TMEM132D: variants seen among roughly 807,000 people sequenced by gnomAD.
TMEM132D encodes transmembrane protein 132D.
In TMEM132D, 21 loss-of-function variants were observed where a neutral mutation model predicts 62.3. The observed-to-expected ratio is 0.34, with a 90% CI of 0.24 to 0.49. The LOEUF (loss-of-function observed/expected upper bound fraction) is 0.49, where lower values mean the gene tolerates loss of function less well. TMEM132D is among the 20% of genes least tolerant of loss of function. The pLI is 0.99. For synonymous variants in TMEM132D, 621 were observed against 575.6 expected (o/e 1.08, Z -1.13); for missense variants, 1,346 against 1,402.8 (o/e 0.96, Z 0.65).
intron 2 of TMEM132D, among the ~76,000 whole-genome samples, chr12:129,629,913 A>G (rs1282807330): frequency 1.3e-5 from 2 of 152,202 alleles, no homozygotes; most frequent in Non-Finnish European, 2.9e-5. Context: ...TGGTAAAATT[A>G]TAATCTATTA....
Position 129,290,740 on chromosome 12 carries a change from C to G in TMEM132D, c.1299+46894G>C, listed in dbSNP as rs186437443. On this transcript the variant is annotated intron_variant, in intron 4 of 8. Transcript: ENST00000422113. ...ATGATAATATATTCAGGAATCATTTCTGTAATTAACATTCACAATAAAAGC... is the reference window on the plus strand; with the variant it reads ...ATGATAATATATTCAGGAATCATTTGTGTAATTAACATTCACAATAAAAGC... 1.7e-4 allele frequency among the ~76,000 whole-genome samples: 26 copies of G among 152,292 alleles called. No individual in the cohort carries two copies. In the East Asian group the frequency reaches 5.0e-3, roughly 29 times the overall value.
intron 1 of TMEM132D, among the ~76,000 whole-genome samples, chr12:129,828,273 G>T (rs73160242): frequency 0.064 from 9,783 of 152,122 alleles, 358 homozygotes; most frequent in East Asian, 0.11. Context: ...GCATATTTAA[G>T]ATTCAGGATT....
chr12:129,333,343 G>C (rs1369257643), intron 4 of TMEM132D, among the ~76,000 whole-genome samples: 1 of 152,150 alleles, frequency 6.6e-6, no homozygotes, highest in Non-Finnish European at 1.5e-5. Flanking sequence ...TCTAAAAGTT[G>C]ACCTGAAGGA....
chr12:129,349,940 G>A (rs1345402267), intron 3 of TMEM132D, among the ~76,000 whole-genome samples: 1 of 152,174 alleles, frequency 6.6e-6, no homozygotes, highest in African/African-American at 2.4e-5. Flanking sequence ...CACTTGGCAT[G>A]GAGGTCAGTC....
At chr12:129,500,809 T>C (rs1212758904) in intron 3 of TMEM132D, among the ~76,000 whole-genome samples, 1 of 152,204 alleles carries the variant, frequency 6.6e-6, no homozygotes, top group African/African-American at 2.4e-5. Flanking sequence ...ATTGTATTTG[T>C]GTTATTATGC....
rs79217443 is a variant in TMEM132D at position 129,791,988 on chromosome 12, T to A, written c.80-91290A>T. 7.3e-3 allele frequency among the ~76,000 whole-genome samples: 1,105 copies of A among 152,238 alleles called. 15 individuals carry two copies. Among genetic ancestry groups the A allele is most frequent in the African/African-American group, 0.026 (1,066 of 41,546 alleles). On this transcript the variant is annotated intron_variant, in intron 1 of 8. Transcript: ENST00000422113. ...CCCCCGACAGAGGAAAAGTAACCCA[T>A]CTTTTATTTCTCAAGGGTGACGTTG...
In TMEM132D at chr12:129,771,442, C is replaced by T. The variant is rs143230302; in HGVS notation, c.80-70744G>A. 1.9e-4 allele frequency among the ~76,000 whole-genome samples: 29 copies of T among 152,274 alleles called. 2 individuals carry two copies. Among genetic ancestry groups the T allele is most frequent in the African/African-American group, 4.8e-4 (20 of 41,552 alleles). On this transcript the variant is annotated intron_variant, in intron 1 of 8. Transcript: ENST00000422113. ...GCTCAGTAATTGCCAGGTAAGCATCCGCTACTATCATTAGCATGACAAAAC... is the reference window on the plus strand; with the variant it reads ...GCTCAGTAATTGCCAGGTAAGCATCTGCTACTATCATTAGCATGACAAAAC...
chr12:129,597,043 G>A (rs1878356404), intron 2 of TMEM132D, among the ~76,000 whole-genome samples: 1 of 152,206 alleles, frequency 6.6e-6, no homozygotes, highest in Non-Finnish European at 1.5e-5. Flanking sequence ...TTGGTTCCCT[G>A]ACTACACATT....
chr12:129,469,447 G>A (rs1019776108), intron 3 of TMEM132D, among the ~76,000 whole-genome samples: 3 of 152,210 alleles, frequency 2.0e-5, no homozygotes, highest in African/African-American at 7.2e-5. Flanking sequence ...AGCCATCTGT[G>A]TTTTACCAAG....
At chr12:129,875,304 C>T (rs1874380329) in intron 1 of TMEM132D, among the ~76,000 whole-genome samples, 1 of 152,226 alleles carries the variant, frequency 6.6e-6, no homozygotes, top group South Asian at 2.1e-4. Flanking sequence ...CCGATGGCCT[C>T]ACAAGTGCCT....
chr12:129,258,041 T>A (rs995950407), intron 4 of TMEM132D, among the ~76,000 whole-genome samples: 6 of 152,202 alleles, frequency 3.9e-5, no homozygotes, highest in African/African-American at 1.2e-4. Flanking sequence ...AAAAGAGGGA[T>A]GCACAATCCC....
In TMEM132D at chr12:129,098,438, C is replaced by T. The variant is rs568939242; in HGVS notation, c.1444-13736G>A. Among the ~76,000 whole-genome samples the T allele has an allele frequency of 1.2e-4, 18 of 152,320 alleles. No individual in the cohort carries two copies. The South Asian group carries it at 3.5e-3, about 30-fold the overall frequency. ...TTTGCTTTTTCAAACCATGCAGTGA[C>T]AAATGTCCTCGTGCCTACCTACTCG... On this transcript the variant is annotated intron_variant, in intron 5 of 8. Coordinates refer to ENST00000422113, the MANE Select transcript of TMEM132D (RefSeq NM_133448.3).
At chr12:129,443,152 G>A (rs566409270) in intron 3 of TMEM132D, among the ~76,000 whole-genome samples, 9 of 152,146 alleles carry the variant, frequency 5.9e-5, no homozygotes, top group South Asian at 4.1e-4. Context: ...TTTCCAATCC[G>A]GCTTCCTCCT....
chr12:129,721,041 G>A (rs1382410021), intron 1 of TMEM132D, among the ~76,000 whole-genome samples: 1 of 152,242 alleles, frequency 6.6e-6, no homozygotes, highest in Non-Finnish European at 1.5e-5. Context: ...CACAGGTGCA[G>A]AGAAGTCCCC....
rs559908853 is a variant in TMEM132D at position 129,183,959 on chromosome 12, T to C, written c.1443+25561A>G. 2.6e-5 allele frequency among the ~76,000 whole-genome samples: 4 copies of C among 152,298 alleles called. No homozygotes were observed. The South Asian group carries it at 8.3e-4, about 32-fold the overall frequency. On this transcript the variant is annotated intron_variant, in intron 5 of 8. Coordinates refer to ENST00000422113, the MANE Select transcript of TMEM132D (RefSeq NM_133448.3). The stretch of plus-strand genomic sequence containing the variant: ...GTTGTCTCCGAAACAAAGGTGCCTG[T>C]CCATTGTTTCTTGTCATTGCAGTAA...
intron 1 of TMEM132D, among the ~76,000 whole-genome samples, chr12:129,709,724 T>C (rs1881596002): frequency 6.6e-6 from 1 of 152,206 alleles, no homozygotes; most frequent in Non-Finnish European, 1.5e-5. Context: ...AGTAGGAGGT[T>C]TGACCTAGTG....
At chr12:129,556,456 TG>T (rs2137109904) in intron 2 of TMEM132D, among the ~76,000 whole-genome samples, 1 of 150,980 alleles carries the variant, frequency 6.6e-6, no homozygotes, top group South Asian at 2.1e-4. Context: ...CCCCTGGCAA[TG>T]GGGTGGAGCT....
chr12:129,777,152 CATTT>C (rs1220893041), intron 1 of TMEM132D, among the ~76,000 whole-genome samples: 2 of 152,142 alleles, frequency 1.3e-5, no homozygotes, highest in Non-Finnish European at 2.9e-5. Flanking sequence ...TTTCATACGA[CATTT>C]ATTTAACCAG....
intron 2 of TMEM132D, among the ~76,000 whole-genome samples, chr12:129,594,474 T>C (rs1449686660): frequency 6.6e-6 from 1 of 152,102 alleles, no homozygotes; most frequent in Non-Finnish European, 1.5e-5. Context: ...ATGAGAAAAA[T>C]GTAAAAAGGG....
Sources: gnomAD v4.1 joint callset for allele counts (sites outside exome capture counted in the v4.1 genomes callset) on GRCh38, gnomAD v4.1.1 for gene constraint, MANE v1.5 for transcripts, NCBI Gene and HGNC (gene_info 2026-07-23, HGNC 2026-07-21) for gene names.